SNAI3: variants seen among roughly 807,000 people sequenced by gnomAD.
The protein encoded by SNAI3 is zinc finger protein SNAI3.
Under a neutral mutation model 16.4 loss-of-function variants are expected in SNAI3, and 21 were observed. That is an observed-to-expected ratio of 1.28 (90% CI 0.91 to 1.85). The LOEUF is 1.85. SNAI3 is among the 40% of genes most tolerant of loss of function. SNAI3 has a pLI of 0.00. For missense variants in SNAI3, 457 were observed against 372.8 expected (o/e 1.23, Z -1.86); for synonymous variants, 202 against 166.6 (o/e 1.21, Z -1.64).
chr16:88,682,069 C>T (rs948158760), intron 1 of SNAI3, among the ~76,000 whole-genome samples: 4 of 152,200 alleles, frequency 2.6e-5, no homozygotes, highest in Non-Finnish European at 5.9e-5. Context: ...TGGGCAGGAC[C>T]CTCTGATGAG....
At position 88,686,323 on chromosome 16, in the gene SNAI3, G is replaced by A. The variant is rs966507263; in HGVS notation, c.76+8C>T. On this transcript the variant is annotated splice_region_variant and intron_variant, in intron 1 of 2. Transcript: ENST00000332281. Reference sequence around the variant, plus strand: ...CCGGCAGGGGCTCGGGGATCGGGTAGTCAGTACCTCTCTGCGTCTCCAGCC... The same window carrying A: ...CCGGCAGGGGCTCGGGGATCGGGTAATCAGTACCTCTCTGCGTCTCCAGCC... 1.9e-5 allele frequency: 31 copies of A among 1,610,644 alleles called. No individual in the cohort carries two copies. Among genetic ancestry groups the A allele is most frequent in the Admixed American group, 1.0e-4 (6 of 59,924 alleles).
At chr16:88,679,182 G>C (rs1037673909) in intron 2 of SNAI3, 25 of 823,912 alleles carry the variant, frequency 3.0e-5, no homozygotes, top group Non-Finnish European at 3.7e-5. Flanking sequence ...CAGAGCACCT[G>C]CATTCCTGCT....
intron 1 of SNAI3, among the ~76,000 whole-genome samples, chr16:88,683,081 A>AT: frequency 1.1e-5 from 1 of 92,448 alleles, no homozygotes; most frequent in South Asian, 3.4e-4. Context: ...CTGGCCCCCC[A>AT]CCCTTTTTTT....
rs61736221 is a variant in SNAI3 at position 88,678,456 on chromosome 16, C to G, written c.871G>C (p.Gly291Arg). The change falls in exon 3 of 3, where the codon GGC becomes CGC. Residue 291 changes from glycine (G) to arginine (R), a missense_variant. Transcript: ENST00000332281. ...ARHEESGCCP[G>R]P ...CGCCGACCACGTGCCTCTCAGGGGCCCGGGCAGCAGCCAGACTCCTCATGC... is the reference window on the plus strand; with the variant it reads ...CGCCGACCACGTGCCTCTCAGGGGCGCGGGCAGCAGCCAGACTCCTCATGC... 1.2e-3 allele frequency: 922 copies of G among 771,048 alleles called. 4 individuals are homozygous for G. In the African/African-American group the frequency reaches 0.014, roughly 12 times the overall value. 47.8% of individuals were successfully genotyped at this position (771,048 alleles called of 1,614,324 possible).
In SNAI3 at chr16:88,681,140, G is replaced by A; in HGVS notation, c.651C>T (p.Ala217=). The A allele has an allele frequency of 6.2e-7, 1 of 1,613,800 alleles. No individual in the cohort carries two copies. The highest frequency in any genetic ancestry group is 2.2e-5 in the East Asian group (1 of 44,886). Residue 217 remains alanine, a synonymous_variant, in exon 2 of 3, where the codon GCC becomes GCT. Transcript: ENST00000332281. This position sits in a 1 kb window ranked among gnomAD's most constrained non-coding sequence, Gnocchi z 5.4. The part of the protein sequence containing the change: ...LPCTCKICGK[A]FSRPWLLQGH... ...CCTGCAGTAACCAGGGCCTGGAGAAGGCCTTGCCACAGATCTTGCAGGTGC... is the reference window on the plus strand; with the variant it reads ...CCTGCAGTAACCAGGGCCTGGAGAAAGCCTTGCCACAGATCTTGCAGGTGC...
intron 1 of SNAI3, among the ~76,000 whole-genome samples, chr16:88,683,847 C>T (rs1257022418): frequency 6.6e-6 from 1 of 152,134 alleles, no homozygotes; most frequent in African/African-American, 2.4e-5. Flanking sequence ...TGAGCCACTG[C>T]GCCCGGCCTG....
chr16:88,681,993 G>A lies in SNAI3; in HGVS notation c.77-279C>T, dbSNP rs1442611905. 6.6e-6 allele frequency among the ~76,000 whole-genome samples: 1 copy of A among 152,140 alleles called. No individual in the cohort carries two copies. Among genetic ancestry groups the A allele is most frequent in the Non-Finnish European group, 1.5e-5 (1 of 68,026 alleles). The stretch of plus-strand genomic sequence containing the variant: ...TTTAAACACAAAGAAACATCTGACG[G>A]GACCCTTTGTGTTCAGGAACATGAA... On this transcript the variant is annotated intron_variant, in intron 1 of 2. Coordinates refer to ENST00000332281, the MANE Select transcript of SNAI3 (RefSeq NM_178310.4). The surrounding 1 kb of genome is among the most constrained non-coding windows in gnomAD (Gnocchi z 5.4).
intron 2 of SNAI3, among the ~76,000 whole-genome samples, chr16:88,679,864 G>A (rs957794608): frequency 4.0e-5 from 6 of 151,146 alleles, no homozygotes; most frequent in Non-Finnish European, 8.8e-5. Flanking sequence ...AAAATGGATT[G>A]AGCCCAGAAG....
Position 88,678,632 on chromosome 16 carries a change from G to A in SNAI3, c.698-3C>T, listed in dbSNP as rs555257719. On this transcript the variant is annotated splice_polypyrimidine_tract_variant and splice_region_variant and intron_variant, in intron 2 of 2. Transcript: ENST00000332281. ...CGAGCAGGCATAGGGCTTCTCCCCT[G>A]TGGGAGGAAGGCGGCGGCCAGTGAC... 1.4e-6 allele frequency: 2 copies of A among 1,382,078 alleles called. No individual in the cohort carries two copies. Among genetic ancestry groups the A allele is most frequent in the Non-Finnish European group, 1.0e-6 (1 of 975,830 alleles). 85.6% of individuals were successfully genotyped at this position (1,382,078 alleles called of 1,614,324 possible). A position where few individuals can be genotyped will look rare whatever the true frequency, so the allele number is the denominator to read the frequency against.
chr16:88,681,006 A>T lies in SNAI3; in HGVS notation c.697+88T>A. 1 of 1,516,024 alleles carries T rather than the reference A, an allele frequency of 6.6e-7. No individual in the cohort carries two copies. The highest frequency in any genetic ancestry group is 8.9e-7 in the Non-Finnish European group (1 of 1,122,830). 93.9% of individuals were successfully genotyped at this position (1,516,024 alleles called of 1,614,324 possible). On this transcript the variant is annotated intron_variant, in intron 2 of 2. Coordinates refer to ENST00000332281, the MANE Select transcript of SNAI3 (RefSeq NM_178310.4). This position sits in a 1 kb window ranked among gnomAD's most constrained non-coding sequence, Gnocchi z 5.4. Reference sequence around the variant, plus strand: ...TGTGAATGCCCATGCTATTGTTTATAAAATCACCCCTCCTCCTTTTCTAAC... The same window carrying T: ...TGTGAATGCCCATGCTATTGTTTATTAAATCACCCCTCCTCCTTTTCTAAC...
At position 88,681,307 on chromosome 16, in the gene SNAI3, G is replaced by A; in HGVS notation, c.484C>T (p.His162Tyr). The A allele has an allele frequency of 1.2e-6, 2 of 1,613,328 alleles. No homozygotes were observed. Among genetic ancestry groups the A allele is most frequent in the South Asian group, 1.1e-5 (1 of 91,080 alleles). ...FECFHCHKPY[H>Y]TLAGLARHRQ... Reference sequence around the variant, plus strand: ...TGCCTGGCCAGCCCGGCCAGCGTGTGGTAGGGTTTGTGGCAGTGGAAGCAC... The same window carrying A: ...TGCCTGGCCAGCCCGGCCAGCGTGTAGTAGGGTTTGTGGCAGTGGAAGCAC... The change falls in exon 2 of 3, where the codon CAC (histidine) becomes TAC (tyrosine). Residue 162 changes from histidine to tyrosine, a missense_variant. His to Tyr is a moderately conservative substitution (Grantham distance 83). Coordinates refer to ENST00000332281, the MANE Select transcript of SNAI3 (RefSeq NM_178310.4). This position sits in a 1 kb window ranked among gnomAD's most constrained non-coding sequence, Gnocchi z 5.4.
In SNAI3 at chr16:88,681,252, C is replaced by T. The variant is rs1276516335; in HGVS notation, c.539G>A (p.Gly180Glu). Residue 180 changes from glycine to glutamate, a missense_variant, in exon 2 of 3, where the codon GGG (glycine) becomes GAG (glutamate). Coordinates refer to ENST00000332281, the MANE Select transcript of SNAI3 (RefSeq NM_178310.4). The surrounding 1 kb of genome is among the most constrained non-coding windows in gnomAD (Gnocchi z 5.4). Reference sequence around the variant, plus strand: ...GCAGTACTTGCAGGTGAAGACACGCCCCACCTGCAGGTGGCAGTGCAGCTG... The same window carrying T: ...GCAGTACTTGCAGGTGAAGACACGCTCCACCTGCAGGTGGCAGTGCAGCTG... Reference protein sequence around the residue: ...HRQLHCHLQVGRVFTCKYCDK... With the variant: ...HRQLHCHLQVERVFTCKYCDK... 1 of 1,613,596 alleles carries T rather than the reference C, an allele frequency of 6.2e-7. No individual in the cohort carries two copies. Among genetic ancestry groups the T allele is most frequent in the Admixed American group, 1.7e-5 (1 of 60,026 alleles).
At position 88,678,644 on chromosome 16, in the gene SNAI3, C is replaced by T. The variant is rs185117215; in HGVS notation, c.698-15G>A. Reference sequence around the variant, plus strand: ...GGGCTTCTCCCCTGTGGGAGGAAGGCGGCGGCCAGTGACACCATGGAAGAT... The same window carrying T: ...GGGCTTCTCCCCTGTGGGAGGAAGGTGGCGGCCAGTGACACCATGGAAGAT... On this transcript the variant is annotated splice_polypyrimidine_tract_variant and intron_variant, in intron 2 of 2. Transcript: ENST00000332281. 89 of 1,446,106 alleles carry T rather than the reference C, an allele frequency of 6.2e-5. No individual in the cohort carries two copies. The highest frequency in any genetic ancestry group is 4.9e-4 in the African/African-American group (35 of 71,970). The allele number at this position is 1,446,106 out of a possible 1,614,324, so 89.6% of individuals were successfully genotyped here.
rs150415240 is a variant in SNAI3, at chr16:88,681,490, C to T, written c.301G>A (p.Ala101Thr). 343 of 1,559,172 alleles carry T rather than the reference C, an allele frequency of 2.2e-4. No homozygotes were observed. The African/African-American group carries it at 4.0e-3, about 18-fold the overall frequency. ...AGGCTGTCTTTGAGGGGTACAATGGCGGCCCGGCTGGCCCGAGGGTCGACC... is the reference window on the plus strand; with the variant it reads ...AGGCTGTCTTTGAGGGGTACAATGGTGGCCCGGCTGGCCCGAGGGTCGACC... ...SEVDPRASRA[A>T]IVPLKDSLNH... The change falls in exon 2 of 3, where the codon GCC (alanine) becomes ACC (threonine). Residue 101 changes from alanine to threonine, a missense_variant. Transcript: ENST00000332281. This position sits in a 1 kb window ranked among gnomAD's most constrained non-coding sequence, Gnocchi z 5.4.
rs1407122116 is a variant in SNAI3 at position 88,678,726 on chromosome 16, C to G, written c.698-97G>C. 1.4e-5 allele frequency: 20 copies of G among 1,468,886 alleles called. No homozygotes were observed. The East Asian group carries it at 5.0e-4, about 36-fold the overall frequency. 91.0% of individuals were successfully genotyped at this position (1,468,886 alleles called of 1,614,324 possible). A position where few individuals can be genotyped will look rare whatever the true frequency, so the allele number is the denominator to read the frequency against. On this transcript the variant is annotated intron_variant, in intron 2 of 2. Coordinates refer to ENST00000332281, the MANE Select transcript of SNAI3 (RefSeq NM_178310.4). ...TCAATGGATACTCCCATCCCTTCCCCACAAATGCTCACAGCCAGAGCACCC... is the reference window on the plus strand; with the variant it reads ...TCAATGGATACTCCCATCCCTTCCCGACAAATGCTCACAGCCAGAGCACCC...
chr16:88,679,405 C>T (rs1261599783), intron 2 of SNAI3, among the ~76,000 whole-genome samples: 2 of 152,212 alleles, frequency 1.3e-5, no homozygotes, highest in Non-Finnish European at 2.9e-5. Context: ...CCAGGTGTGA[C>T]TCAGAGGGTC....
rs548444706 is a variant in SNAI3 at position 88,681,539 on chromosome 16, C to G, written c.252G>C (p.Gly84=). 6.6e-7 allele frequency: 1 copy of G among 1,516,302 alleles called. No homozygotes were observed. The highest frequency in any genetic ancestry group is 2.3e-5 in the East Asian group (1 of 43,856). 93.9% of individuals were successfully genotyped at this position (1,516,302 alleles called of 1,614,324 possible). A position where few individuals can be genotyped will look rare whatever the true frequency, so the allele number is the denominator to read the frequency against. ...CCTCGCTGACTTCCAAGGCGTCCAGCCCAGAGGCCCCCAGAGCTTCCTCGA... is the reference window on the plus strand; with the variant it reads ...CCTCGCTGACTTCCAAGGCGTCCAGGCCAGAGGCCCCCAGAGCTTCCTCGA... ...PRIEEALGAS[G]LDALEVSEVD... The change falls in exon 2 of 3, where the codon GGG becomes GGC. Residue 84 remains glycine (G), a synonymous_variant. Transcript: ENST00000332281. The surrounding 1 kb of genome is among the most constrained non-coding windows in gnomAD (Gnocchi z 5.4).
intron 1 of SNAI3, among the ~76,000 whole-genome samples, chr16:88,684,335 C>T (rs1909281267): frequency 6.6e-6 from 1 of 152,242 alleles, no homozygotes; most frequent in Non-Finnish European, 1.5e-5. Flanking sequence ...TTTGTGGGCC[C>T]AGTGGCTGAG....
rs1456519192 is a variant in SNAI3, at chr16:88,678,712, T to G, written c.698-83A>C. On this transcript the variant is annotated intron_variant, in intron 2 of 2. Coordinates refer to ENST00000332281, the MANE Select transcript of SNAI3 (RefSeq NM_178310.4). ...ACCCACCCTGCCCATCAATGGATAC[T>G]CCCATCCCTTCCCCACAAATGCTCA... is the stretch of plus-strand genomic sequence containing the variant. 8 of 1,487,736 alleles carry G rather than the reference T, an allele frequency of 5.4e-6. 1 individual carries two copies. The African/African-American group carries it at 1.1e-4, about 21-fold the overall frequency. The allele number at this position is 1,487,736 out of a possible 1,614,324, so 92.2% of individuals were successfully genotyped here. A position where few individuals can be genotyped will look rare whatever the true frequency, so the allele number is the denominator to read the frequency against.
Sources: allele counts gnomAD v4.1 joint callset (sites outside exome capture counted in the v4.1 genomes callset), GRCh38; gene constraint gnomAD v4.1.1; non-coding constraint Gnocchi (gnomAD v3.1); transcripts MANE v1.5; gene names NCBI Gene and HGNC (gene_info 2026-07-23, HGNC 2026-07-21).